EIF2S3B: variants seen among roughly 807,000 people sequenced by gnomAD.
The protein encoded by EIF2S3B is eukaryotic translation initiation factor 2 subunit 3B.
EIF2S3B carries 16 observed loss-of-function variants against 26.4 expected under a neutral mutation model. The ratio of observed to expected loss-of-function variants is 0.61; its 90% CI spans 0.41 to 0.92. EIF2S3B has a LOEUF of 0.92. Ranked by LOEUF, EIF2S3B falls within the 40% of genes least tolerant of loss-of-function variation. EIF2S3B has a pLI of 0.00. For missense variants in EIF2S3B, 510 were observed against 575.5 expected (o/e 0.89, Z 1.16); for synonymous variants, 183 against 204.4 (o/e 0.90, Z 0.89).
At chr12:10,519,111 C>T (rs1474268362) in intron 1 of EIF2S3B, among the ~76,000 whole-genome samples, 1 of 151,822 alleles carries the variant, frequency 6.6e-6, no homozygotes. Flanking sequence ...TCAAACTATA[C>T]TACAAGGCTA....
intron 1 of EIF2S3B, among the ~76,000 whole-genome samples, chr12:10,515,134 T>C (rs1864741803): frequency 6.6e-6 from 1 of 152,092 alleles, no homozygotes; most frequent in Admixed American, 6.6e-5. Context: ...CTTCACTCCA[T>C]CTACATTAGT....
rs759722230 is a variant in EIF2S3B, at chr12:10,506,979, T to G, written c.1077T>G (p.Gly359=). Residue 359 remains glycine, a synonymous_variant, in exon 1 of 1, where the codon GGT becomes GGG. Coordinates refer to ENST00000538173, the MANE Select transcript of EIF2S3B (RefSeq NM_001357734.3). The stretch of plus-strand genomic sequence containing the variant: ...ACAGAATGGTGGGGCAAATACTTGG[T>G]GCAGTCGGAGCTTTACCTGAGATAT... ...RADRMVGQIL[G]AVGALPEIFT... The G allele has an allele frequency of 1.3e-4, 202 of 1,613,738 alleles. No homozygotes were observed. The highest frequency in any genetic ancestry group is 1.7e-4 in the Non-Finnish European group (195 of 1,179,740).
Position 10,513,586 on chromosome 12 carries a change from G to C in EIF2S3B, c.1308+6376G>C, listed in dbSNP as rs76619459. Reference sequence around the variant, plus strand: ...CTGCTGTAAATATTCCTGTAAATTTGCATTGTTGTACTTATGCAAATATTT... The same window carrying C: ...CTGCTGTAAATATTCCTGTAAATTTCCATTGTTGTACTTATGCAAATATTT... On this transcript the variant is annotated intron_variant, in intron 1 of 1. Coordinates refer to the EIF2S3B transcript ENST00000322446. 6.4e-3 allele frequency among the ~76,000 whole-genome samples: 975 copies of C among 152,304 alleles called. 10 individuals carry two copies. Among genetic ancestry groups the C allele is most frequent in the African/African-American group, 0.022 (918 of 41,564 alleles).
At chr12:10,512,319 CAA>C (rs1485122634), downstream of EIF2S3B, among the ~76,000 whole-genome samples, 1 of 152,082 alleles carries the variant, frequency 6.6e-6, no homozygotes, top group Non-Finnish European at 1.5e-5. Flanking sequence ...CTCATCTTCA[CAA>C]GAGCATCTGA....
At position 10,508,069 on chromosome 12, in the gene EIF2S3B, CCTT is replaced by C. The variant is rs1257092308; in HGVS notation, c.*751_*753del. 2.6e-5 allele frequency among the ~76,000 whole-genome samples: 4 copies of C among 152,156 alleles called. No homozygotes were observed. The highest frequency in any genetic ancestry group is 9.7e-5 in the African/African-American group (4 of 41,432). On this transcript the variant is annotated 3_prime_UTR_variant, in exon 1 of 1. Coordinates refer to ENST00000538173, the MANE Select transcript of EIF2S3B (RefSeq NM_001357734.3). ...TAAAGGCACAAATTATCCTTGAAGA[CCTT>C]CTCCCTTTTCTTTGGCCCCATATTT...
intron 1 of EIF2S3B, among the ~76,000 whole-genome samples, chr12:10,522,223 C>T (rs989151224): frequency 1.2e-4 from 18 of 152,066 alleles, no homozygotes; most frequent in Admixed American, 2.6e-4. Context: ...TAGCACTGGC[C>T]GCTCAGGAGG....
intron 1 of EIF2S3B, among the ~76,000 whole-genome samples, chr12:10,518,264 A>C (rs1439876289): frequency 6.6e-6 from 1 of 152,134 alleles, no homozygotes; most frequent in Non-Finnish European, 1.5e-5. Context: ...TAGGTCACTC[A>C]GGACTTGCTT....
chr12:10,517,571 C>G (rs1303347511), intron 1 of EIF2S3B, among the ~76,000 whole-genome samples: 1 of 151,986 alleles, frequency 6.6e-6, no homozygotes, highest in South Asian at 2.1e-4. Context: ...GCTCCTGGAT[C>G]CATTAATTTT....
chr12:10,506,074 G>C lies in EIF2S3B; in HGVS notation c.172G>C (p.Val58Leu). The change falls in exon 1 of 1, where the codon GTC becomes CTC. Residue 58 changes from valine to leucine, a missense_variant. Coordinates refer to ENST00000538173, the MANE Select transcript of EIF2S3B (RefSeq NM_001357734.3). Reference protein sequence around the residue: ...GHVAHGKSTVVKAISGVHTVR... With the variant: ...GHVAHGKSTVLKAISGVHTVR... ...TGTAGCTCATGGGAAATCCACAGTC[G>C]TCAAAGCTATTTCTGGAGTTCACAC... 1.2e-6 allele frequency: 2 copies of C among 1,600,908 alleles called. No homozygotes were observed. The highest frequency in any genetic ancestry group is 1.7e-6 in the Non-Finnish European group (2 of 1,167,962).
At chr12:10,511,041 A>G (rs1864699820), downstream of EIF2S3B, among the ~76,000 whole-genome samples, 2 of 152,164 alleles carry the variant, frequency 1.3e-5, no homozygotes. Flanking sequence ...AAGCAAAATT[A>G]AAAGCCCTGC....
Position 10,507,271 on chromosome 12 carries a change from G to A in EIF2S3B, c.1369G>A (p.Gly457Ser). The change falls in exon 1 of 1, where the codon GGT becomes AGT. Residue 457 changes from glycine to serine, a missense_variant. Gly to Ser is a moderately conservative substitution (Grantham distance 56). Coordinates refer to ENST00000538173, the MANE Select transcript of EIF2S3B (RefSeq NM_001357734.3). ...VEKHWRLIGW[G>S]QIRRGVTIKP... ...AAAACACTGGCGTTTAATTGGTTGG[G>A]GTCAGATAAGAAGAGGAGTGACAAT... 1 of 1,613,630 alleles carries A rather than the reference G, an allele frequency of 6.2e-7. No individual in the cohort carries two copies. Among genetic ancestry groups the A allele is most frequent in the African/African-American group, 1.3e-5 (1 of 74,996 alleles).
At chr12:10,520,416 C>T (rs1311018426) in intron 1 of EIF2S3B, among the ~76,000 whole-genome samples, 1 of 147,170 alleles carries the variant, frequency 6.8e-6, no homozygotes, top group African/African-American at 2.5e-5. Flanking sequence ...TGCTAAATGA[C>T]GAGTTAATGG....
downstream of EIF2S3B, among the ~76,000 whole-genome samples, chr12:10,509,061 C>G (rs1864679423): frequency 6.6e-6 from 1 of 152,078 alleles, no homozygotes; most frequent in Non-Finnish European, 1.5e-5. Flanking sequence ...GGCATTCTTG[C>G]AGTGGGCAGC....
At chr12:10,512,509 G>A (rs1273940344), downstream of EIF2S3B, among the ~76,000 whole-genome samples, 3 of 151,744 alleles carry the variant, frequency 2.0e-5, no homozygotes, top group Admixed American at 1.3e-4. Context: ...TTATCTACTA[G>A]ACCTCCTTGA....
chr12:10,516,361 T>C (rs150726015), intron 1 of EIF2S3B, among the ~76,000 whole-genome samples: 90 of 152,180 alleles, frequency 5.9e-4, no homozygotes, highest in Middle Eastern at 3.4e-3. Flanking sequence ...CCAGGGTTAC[T>C]GCAACAGTAT....
In EIF2S3B at chr12:10,506,769, G is replaced by A. The variant is rs1277766685; in HGVS notation, c.867G>A (p.Lys289=). The A allele has an allele frequency of 6.2e-7, 1 of 1,614,020 alleles. No individual in the cohort carries two copies. The highest frequency in any genetic ancestry group is 8.5e-7 in the Non-Finnish European group (1 of 1,179,864). Residue 289 remains lysine, a synonymous_variant, in exon 1 of 1, where the codon AAG becomes AAA. Coordinates refer to ENST00000538173, the MANE Select transcript of EIF2S3B (RefSeq NM_001357734.3). ...GTAGTATCCTAAAAGGAGTATTAAA[G>A]GTGGGCCAGGAGACAGAAGTAAGAC... ...AGGSILKGVL[K]VGQETEVRPG... is the part of the protein sequence containing the mutation.
chr12:10,512,896 C>T (rs1277261354), downstream of EIF2S3B, among the ~76,000 whole-genome samples: 1 of 152,084 alleles, frequency 6.6e-6, no homozygotes, highest in Non-Finnish European at 1.5e-5. Flanking sequence ...AATTTTTAGA[C>T]CTTGAGGTGC....
intron 1 of EIF2S3B, among the ~76,000 whole-genome samples, chr12:10,515,935 TATAAA>T (rs1054844554): frequency 7.3e-5 from 11 of 151,250 alleles, no homozygotes; most frequent in African/African-American, 2.4e-4. Context: ...TTATTTTTAG[TATAAA>T]ATAAGTGTTA....
intron 1 of EIF2S3B, among the ~76,000 whole-genome samples, chr12:10,516,203 C>G (rs1184217934): frequency 1.3e-5 from 2 of 152,106 alleles, no homozygotes; most frequent in East Asian, 3.9e-4. Flanking sequence ...GCTAACATGT[C>G]TCTAGAACCT....
Sources: gnomAD v4.1 joint callset for allele counts (sites outside exome capture counted in the v4.1 genomes callset) on GRCh38, gnomAD v4.1.1 for gene constraint, MANE v1.5 for transcripts, NCBI Gene and HGNC (gene_info 2026-07-23, HGNC 2026-07-21) for gene names.